SLC12A1: variants seen among roughly 807,000 people sequenced by gnomAD.
SLC12A1 encodes solute carrier family 12 member 1.
In SLC12A1, 89 loss-of-function variants were observed where a neutral mutation model predicts 130.4. That is an observed-to-expected ratio of 0.68 (90% CI 0.58 to 0.81). The LOEUF (loss-of-function observed/expected upper bound fraction) is 0.81, where lower values mean the gene tolerates loss of function less well. Among genes scored for constraint, SLC12A1 ranks in the 40% least tolerant of loss-of-function variants. The pLI, the probability that SLC12A1 is intolerant of heterozygous loss-of-function variation, is 0.00. For synonymous variants in SLC12A1, 499 were observed against 460.0 expected (o/e 1.08, Z -1.09); for missense variants, 1,310 against 1,336.4 (o/e 0.98, Z 0.31).
chr15:48,255,765 A>G, intron 15 of SLC12A1, 46 bp from the exon 16 acceptor site: 1 of 1,177,938 alleles, frequency 8.5e-7, no homozygotes, highest in South Asian at 1.3e-5. Flanking sequence ...TGGTGCACAG[A>G]GGAAAGGTCA....
At chr15:48,216,654 T>C (rs2041125103) in intron 2 of SLC12A1, among the ~76,000 whole-genome samples, 4 of 152,340 alleles carry the variant, frequency 2.6e-5, no homozygotes, top group Middle Eastern at 6.8e-3. Flanking sequence ...TTAACTAGAA[T>C]ATTGACAATT....
chr15:48,229,445 G>A (rs2041341446), intron 6 of SLC12A1, 117 bp downstream of exon 6: 2 of 993,940 alleles, frequency 2.0e-6, no homozygotes, highest in South Asian at 1.8e-5. Flanking sequence ...TAAATATAGT[G>A]GAAGGAGCCT....
At chr15:48,266,985 T>C (rs1395250963) in intron 17 of SLC12A1, among the ~76,000 whole-genome samples, 4 of 152,166 alleles carry the variant, frequency 2.6e-5, no homozygotes, top group Non-Finnish European at 5.9e-5. Flanking sequence ...GACAAGGAAA[T>C]GTTAATGTAT....
chr15:48,209,983 G>A (rs1187528540), intron 2 of SLC12A1, among the ~76,000 whole-genome samples: 3 of 152,120 alleles, frequency 2.0e-5, no homozygotes, highest in Admixed American at 6.6e-5. Flanking sequence ...TTAGCAATGC[G>A]ACAATTTCAG....
intron 4 of SLC12A1, chr15:48,225,923 G>T: frequency 9.2e-6 from 9 of 983,282 alleles, no homozygotes; most frequent in Non-Finnish European, 1.1e-5. Flanking sequence ...CTCTGCTATT[G>T]CCACAAATGG....
At chr15:48,224,389 A>G (rs1343835391) in intron 4 of SLC12A1, 2 of 152,250 alleles carry the variant, frequency 1.3e-5, no homozygotes, top group South Asian at 2.1e-4. Context: ...TAACATGTAC[A>G]TGGTACATAC....
In SLC12A1 at chr15:48,243,578, G is replaced by A. The variant is rs907513699; in HGVS notation, c.1301-1175G>A. Among the ~76,000 whole-genome samples the A allele has an allele frequency of 4.6e-5, 7 of 151,756 alleles. No homozygotes were observed. The South Asian group carries it at 1.2e-3, about 27-fold the overall frequency. On this transcript the variant is annotated intron_variant, in intron 10 of 26. Coordinates refer to ENST00000380993, the MANE Select transcript of SLC12A1 (RefSeq NM_000338.3). Reference sequence around the variant, plus strand: ...GGCTGAGGCAGAGAATTGCTTGAACGCAGGAGGCGGAGGTTGCAGTGAGCC... The same window carrying A: ...GGCTGAGGCAGAGAATTGCTTGAACACAGGAGGCGGAGGTTGCAGTGAGCC...
At chr15:48,224,001 C>G (rs753983210) in intron 4 of SLC12A1, 3 of 152,428 alleles carry the variant, frequency 2.0e-5, no homozygotes, top group Non-Finnish European at 4.4e-5. Context: ...AATACCTTGA[C>G]TCATTCCCAC....
At chr15:48,234,464 C>T (rs1041906130) in intron 8 of SLC12A1, among the ~76,000 whole-genome samples, 2 of 152,096 alleles carry the variant, frequency 1.3e-5, no homozygotes, top group Admixed American at 6.6e-5. Flanking sequence ...GGAATGTGGC[C>T]GGGCGCGGTA....
At chr15:48,274,761 G>T in intron 20 of SLC12A1, 108 bp downstream of exon 20, 2 of 668,022 alleles carry the variant, frequency 3.0e-6, no homozygotes, top group Non-Finnish European at 5.2e-6. Flanking sequence ...CTCCTTGACA[G>T]TGGAGCTTAC....
Position 48,269,768 on chromosome 15 carries a change from A to G in SLC12A1, c.2402+4A>G. 1 of 1,518,370 alleles carries G rather than the reference A, an allele frequency of 6.6e-7. No homozygotes were observed. The highest frequency in any genetic ancestry group is 1.4e-5 in the African/African-American group (1 of 73,170). The allele number at this position is 1,518,370 out of a possible 1,614,324, so 94.1% of individuals were successfully genotyped here. On this transcript the variant is annotated splice_donor_region_variant and intron_variant, in intron 19 of 26. Coordinates refer to ENST00000380993, the MANE Select transcript of SLC12A1 (RefSeq NM_000338.3). The stretch of plus-strand genomic sequence containing the variant: ...AGAACTACGTGGGAATCATACAGTA[A>G]GTGATGGCTTTCAAGACGTGTTCTT...
intron 23 of SLC12A1, among the ~76,000 whole-genome samples, chr15:48,289,394 CATATATAT>C (rs10609887): frequency 0.59 from 66,850 of 112,664 alleles, 19,741 homozygotes; most frequent in Middle Eastern, 0.68. Context: ...GTGAATGTGA[CATATATAT>C]ATATATATAT....
rs368554163 is a variant in SLC12A1 at position 48,293,187 on chromosome 15, G to A, written c.2960+1323G>A. On this transcript the variant is annotated intron_variant, in intron 24 of 26. Transcript: ENST00000380993. ...TCCTCCCAAAGTGCTGGGATTACAG[G>A]CATAAGCCATCACACCTGGCAACAC... Among the ~76,000 whole-genome samples the A allele has an allele frequency of 3.1e-4, 47 of 152,318 alleles. No homozygotes were observed. The East Asian group carries it at 3.1e-3, about 10-fold the overall frequency.
intron 2 of SLC12A1, among the ~76,000 whole-genome samples, chr15:48,212,609 G>C (rs1010230210): frequency 4.6e-5 from 7 of 152,024 alleles, no homozygotes; most frequent in African/African-American, 1.5e-4. Flanking sequence ...CTTACTACAG[G>C]ACTAACCAAA....
In SLC12A1 at chr15:48,247,516, T is replaced by C. The variant is rs982856177; in HGVS notation, c.1684+56T>C. On this transcript the variant is annotated intron_variant, in intron 13 of 26. Coordinates refer to ENST00000380993, the MANE Select transcript of SLC12A1 (RefSeq NM_000338.3). ...ACCAAAGAATTCTTCTGATTATTCA[T>C]AGGGCTTTCCTTTTAGTTTGAAAAA... The C allele has an allele frequency of 8.2e-6, 11 of 1,347,958 alleles. No homozygotes were observed. The African/African-American group carries it at 1.6e-4, about 20-fold the overall frequency. 83.5% of individuals were successfully genotyped at this position (1,347,958 alleles called of 1,614,324 possible). A position where few individuals can be genotyped will look rare whatever the true frequency, so the allele number is the denominator to read the frequency against.
chr15:48,285,243 A>T lies in SLC12A1; in HGVS notation c.2623A>T (p.Lys875Ter). The change falls in exon 21 of 27, where the codon AAA (lysine) becomes TAA (stop). Residue 875 changes from lysine to a stop codon, truncating the protein, a stop_gained. Transcript: ENST00000380993. LOFTEE classifies it high-confidence loss of function. ...GTTGAACATTACTAAGACAACGCCT[A>T]AAAAAGGTAAGAACTTTTTAAAATT... ...GKLNITKTTPKKDGSINTSQS... is the reference protein window; with the variant it reads ...GKLNITKTTP 2 of 1,613,374 alleles carry T rather than the reference A, an allele frequency of 1.2e-6. No homozygotes were observed. Among genetic ancestry groups the T allele is most frequent in the African/African-American group, 1.3e-5 (1 of 74,990 alleles).
intron 15 of SLC12A1, among the ~76,000 whole-genome samples, chr15:48,254,828 G>A (rs2041687632): frequency 6.6e-6 from 1 of 151,870 alleles, no homozygotes; most frequent in Non-Finnish European, 1.5e-5. Flanking sequence ...GGAGGCTGAG[G>A]CAGAAGAATG....
At chr15:48,229,461 T>C in intron 6 of SLC12A1, 133 bp downstream of exon 6, 2 of 868,682 alleles carry the variant, frequency 2.3e-6, no homozygotes, top group Admixed American at 2.8e-5. Context: ...AGCCTGGGCT[T>C]GGCATCAGAA....
intron 18 of SLC12A1, among the ~76,000 whole-genome samples, chr15:48,268,826 A>T (rs1162643117): frequency 1.3e-5 from 2 of 152,194 alleles, no homozygotes; most frequent in African/African-American, 4.8e-5. Flanking sequence ...TTATAAAATT[A>T]TCATACAAGA....
Sources: gnomAD v4.1 joint callset for allele counts (sites outside exome capture counted in the v4.1 genomes callset) on GRCh38, gnomAD v4.1.1 for gene constraint, MANE v1.5 for transcripts, NCBI Gene and HGNC (gene_info 2026-07-23, HGNC 2026-07-21) for gene names.